NTRK1: variants seen among roughly 807,000 people sequenced by gnomAD.
The protein encoded by NTRK1 is high affinity nerve growth factor receptor.
NTRK1 carries 62 observed loss-of-function variants against 86.8 expected under a neutral mutation model. The observed-to-expected ratio is 0.71, with a 90% CI of 0.58 to 0.88. NTRK1 has a LOEUF of 0.88. NTRK1 is among the 40% of genes least tolerant of loss of function. The pLI is 0.00. For synonymous variants in NTRK1, 469 were observed against 456.6 expected (o/e 1.03, Z -0.35); for missense variants, 967 against 1,078.4 (o/e 0.90, Z 1.45).
intron 1 of NTRK1, among the ~76,000 whole-genome samples, chr1:156,818,285 CT>C (rs1223824317): frequency 6.6e-6 from 1 of 152,072 alleles, no homozygotes; most frequent in Non-Finnish European, 1.5e-5. Flanking sequence ...CTTGCCAAGA[CT>C]TACTGTTTTT....
intron 1 of NTRK1, among the ~76,000 whole-genome samples, chr1:156,863,522 C>T (rs910762046): frequency 4.6e-5 from 7 of 152,056 alleles, no homozygotes; most frequent in Non-Finnish European, 4.4e-5. Context: ...TTCCTGGGTC[C>T]CTCCTTGGGG....
intron 2 of NTRK1, among the ~76,000 whole-genome samples, chr1:156,852,978 C>T (rs1157865178): frequency 2.0e-5 from 3 of 152,100 alleles, no homozygotes; most frequent in East Asian, 3.9e-4. Flanking sequence ...GTTGGGGGAC[C>T]CCAGATCTGC....
chr1:156,816,920 C>T (rs549875196), intron 1 of NTRK1: 7 of 425,526 alleles, frequency 1.6e-5, no homozygotes, highest in South Asian at 6.2e-5. Flanking sequence ...CTGTAGATAG[C>T]GGTGGTATAG....
At chr1:156,844,077 A>G in intron 2 of NTRK1, 1 of 835,986 alleles carries the variant, frequency 1.2e-6, no homozygotes, top group South Asian at 1.6e-5. Flanking sequence ...TGTATGGAAG[A>G]CCTGTCTTTC....
chr1:156,828,725 GTC>G (rs1244013021), intron 1 of NTRK1, among the ~76,000 whole-genome samples: 1 of 152,216 alleles, frequency 6.6e-6, no homozygotes, highest in African/African-American at 2.4e-5. Flanking sequence ...GTCTTTTTGA[GTC>G]TCTGCTCCAC....
chr1:156,869,174 C>T (rs1197338424), intron 6 of NTRK1, among the ~76,000 whole-genome samples: 5 of 152,052 alleles, frequency 3.3e-5, no homozygotes, highest in African/African-American at 1.2e-4. Context: ...CGGGTTCAAG[C>T]GATTCTGCGA....
At chr1:156,869,228 C>T (rs1297933280) in intron 6 of NTRK1, among the ~76,000 whole-genome samples, 1 of 152,172 alleles carries the variant, frequency 6.6e-6, no homozygotes, top group Admixed American at 6.5e-5. Flanking sequence ...TACAGGCACG[C>T]GCCACCATGC....
At chr1:156,823,756 TCTTGAGCC>T (rs754126920) in intron 1 of NTRK1, among the ~76,000 whole-genome samples, 2 of 152,140 alleles carry the variant, frequency 1.3e-5, no homozygotes, top group South Asian at 4.1e-4. Flanking sequence ...GTGTCCATGA[TCTTGAGCC>T]CATGAAAAGC....
chr1:156,848,375 A>G (rs1655083580), intron 2 of NTRK1, among the ~76,000 whole-genome samples: 1 of 152,036 alleles, frequency 6.6e-6, no homozygotes, highest in South Asian at 2.1e-4. Context: ...TCCCTCCTCT[A>G]AGGATATCTC....
At position 156,861,157 on chromosome 1, in the gene NTRK1, G is replaced by A. The variant is rs1297997575; in HGVS notation, c.212+11G>A. 11 of 1,549,500 alleles carry A rather than the reference G, an allele frequency of 7.1e-6. No homozygotes were observed. Among genetic ancestry groups the A allele is most frequent in the Admixed American group, 1.9e-5 (1 of 52,918 alleles). Reference sequence around the variant, plus strand: ...GAACCTGACTGAGCTGTGAGTGTCCGGCGGGCGGTGGGGGGGCGCGGGGAC... The same window carrying A: ...GAACCTGACTGAGCTGTGAGTGTCCAGCGGGCGGTGGGGGGGCGCGGGGAC... On this transcript the variant is annotated intron_variant, in intron 1 of 16. Coordinates refer to ENST00000524377, the MANE Select transcript of NTRK1 (RefSeq NM_002529.4).
intron 10 of NTRK1, 24 bp from the exon 11 acceptor site, chr1:156,874,882 C>T (rs2102911726): frequency 1.3e-6 from 2 of 1,560,264 alleles, no homozygotes; most frequent in South Asian, 2.2e-5. Context: ...GCCCCTGGAT[C>T]TAACTACCCC....
At chr1:156,836,316 T>C (rs1654599288) in intron 1 of NTRK1, among the ~76,000 whole-genome samples, 2 of 152,180 alleles carry the variant, frequency 1.3e-5, no homozygotes, top group South Asian at 4.1e-4. Context: ...CCTCAGAGCT[T>C]CCACAGCTGT....
rs187753955 is a variant in NTRK1, at chr1:156,851,443, G to A, written c.50+9250G>A. ...CTGTGGCTCCAGGTTGTCTAGGGAT[G>A]GGAAGACAGGGCTGGAGTAGGAGCA... On this transcript the variant is annotated intron_variant, in intron 2 of 16. Coordinates refer to the NTRK1 transcript ENST00000392302. The A allele has an allele frequency of 3.3e-5, 53 of 1,614,118 alleles. No individual in the cohort carries two copies. In the East Asian group the frequency reaches 1.2e-3, roughly 36 times the overall value.
At position 156,866,980 on chromosome 1, in the gene NTRK1, T is replaced by G; in HGVS notation, c.428+2T>G. On this transcript the variant is annotated splice_donor_variant, in intron 4 of 16. Transcript: ENST00000524377. LOFTEE classifies it high-confidence loss of function. ...GCAGGGCCTCTCCTTACAGGAACTGTGAGTGGGGGCGCTTCCAGGGGCAAG... is the reference window on the plus strand; with the variant it reads ...GCAGGGCCTCTCCTTACAGGAACTGGGAGTGGGGGCGCTTCCAGGGGCAAG... 6.2e-7 allele frequency: 1 copy of G among 1,614,144 alleles called. No individual in the cohort carries two copies. The highest frequency in any genetic ancestry group is 1.1e-5 in the South Asian group (1 of 91,084).
intron 14 of NTRK1, among the ~76,000 whole-genome samples, chr1:156,877,560 A>G (rs1034378128): frequency 6.6e-6 from 1 of 152,050 alleles, no homozygotes; most frequent in Non-Finnish European, 1.5e-5. Flanking sequence ...TGATGAGATC[A>G]CCCCCGGGAG....
chr1:156,868,673 C>G, intron 6 of NTRK1, 26 bp downstream of exon 6: 1 of 1,549,226 alleles, frequency 6.5e-7, no homozygotes. Flanking sequence ...CTGGCAGCCC[C>G]CAAGAGGTCC....
intron 1 of NTRK1, among the ~76,000 whole-genome samples, chr1:156,826,813 A>G (rs892191399): frequency 5.9e-5 from 9 of 152,224 alleles, no homozygotes; most frequent in Non-Finnish European, 1.3e-4. Context: ...CTTTGCCAAC[A>G]TCATGAGCAA....
chr1:156,856,453 G>T (rs1655407483), upstream of NTRK1, among the ~76,000 whole-genome samples: 1 of 152,194 alleles, frequency 6.6e-6, no homozygotes. Flanking sequence ...TCAAGTTTCA[G>T]TTCCTCAGCC....
intron 2 of NTRK1, among the ~76,000 whole-genome samples, chr1:156,842,669 T>C (rs1654843397): frequency 6.6e-6 from 1 of 152,166 alleles, no homozygotes; most frequent in Non-Finnish European, 1.5e-5. Flanking sequence ...ACCCTGACCC[T>C]AACCCATGAC....
Sources: gnomAD v4.1 joint callset for allele counts (sites outside exome capture counted in the v4.1 genomes callset) on GRCh38, gnomAD v4.1.1 for gene constraint, MANE v1.5 for transcripts, NCBI Gene and HGNC (gene_info 2026-07-23, HGNC 2026-07-21) for gene names.